Variants in LFNG observed in about 807,000 individuals in gnomAD.
LFNG encodes beta-1,3-N-acetylglucosaminyltransferase lunatic fringe.
A neutral mutation model predicts 32.7 loss-of-function variants in LFNG; 15 were observed. That is an observed-to-expected ratio of 0.46 (90% CI 0.31 to 0.71). The LOEUF is 0.71. LFNG is among the 30% of genes least tolerant of loss of function. The pLI is 0.06. For synonymous variants in LFNG, 274 were observed against 246.8 expected, an observed-to-expected ratio of 1.11 and a Z score of -1.03; for missense variants, 520 against 545.7, an observed-to-expected ratio of 0.95 and a Z score of 0.47.
chr7:2,524,666 C>G (rs764712103), intron 1 of LFNG, 29 bp from the exon 2 acceptor site: 1 of 1,567,404 alleles, frequency 6.4e-7, no homozygotes, highest in Admixed American at 1.9e-5. Flanking sequence ...TGAAGGGCTG[C>G]CTGCTGAAGG....
rs1317332511 is a variant in LFNG, at chr7:2,519,951, G to A, written c.90G>A (p.Pro30=). 4 of 1,004,264 alleles carry A rather than the reference G, an allele frequency of 4.0e-6. No individual in the cohort carries two copies. The highest frequency in any genetic ancestry group is 9.8e-5 in the East Asian group (1 of 10,196). 62.2% of individuals were successfully genotyped at this position (1,004,264 alleles called of 1,614,324 possible). Residue 30 remains proline (P), a synonymous_variant, in exon 1 of 8, where the codon CCG becomes CCA. Coordinates refer to ENST00000222725, the MANE Select transcript of LFNG (RefSeq NM_001040167.2). ...CLLVLTADPP[P]PPLPAERGRR... is the part of the protein sequence containing the mutation. ...TGGTGCTCACCGCCGACCCGCCGCC[G>A]CCTCCACTGCCCGCCGAGCGCGGCC...
chr7:2,512,827 C>T, intron 1 of LFNG: 1 of 857,578 alleles, frequency 1.2e-6, no homozygotes, highest in Non-Finnish European at 1.9e-6. Context: ...TCAGGCTTCT[C>T]TTTATCTCCA....
chr7:2,525,238 C>G lies in LFNG; in HGVS notation c.501C>G (p.Asn167Lys). 1.2e-6 allele frequency: 2 copies of G among 1,612,888 alleles called. No individual in the cohort carries two copies. The highest frequency in any genetic ancestry group is 1.1e-5 in the South Asian group (1 of 91,088). ...ARHTGNVVIT[N>K]CSAAHSRQAL... ...CCACAGGCAACGTGGTCATCACAAA[C>G]TGCTCGGCCGCCCACAGCCGCCAGG... Residue 167 changes from asparagine (N) to lysine (K), a missense_variant, in exon 3 of 8, where the codon AAC becomes AAG. By Grantham distance (94) the Asn-to-Lys change is moderately conservative. Transcript: ENST00000222725.
In LFNG at chr7:2,527,500, C is replaced by T. The variant is rs1419876508; in HGVS notation, c.*288C>T. 8.8e-6 allele frequency: 12 copies of T among 1,366,464 alleles called. No homozygotes were observed. Among genetic ancestry groups the T allele is most frequent in the Middle Eastern group, 2.8e-4 (1 of 3,564 alleles). The allele number at this position is 1,366,464 out of a possible 1,614,324, so 84.6% of individuals were successfully genotyped here. On this transcript the variant is annotated 3_prime_UTR_variant, in exon 8 of 8. Transcript: ENST00000222725. This position sits in a 1 kb window ranked among gnomAD's most constrained non-coding sequence, Gnocchi z 4.4. ...AGGATTTGTGTGTCGGAGGCCACTC[C>T]GAGGGCAATTCTGTTAGGATTTTTG...
In LFNG at chr7:2,519,970, C is replaced by G. The variant is rs1204785874; in HGVS notation, c.109C>G (p.Arg37Gly). Residue 37 changes from arginine to glycine, a missense_variant, in exon 1 of 8, where the codon CGC becomes GGC. Arg to Gly is a moderately radical substitution (Grantham distance 125). This residue lies in a region of LFNG where 360 missense variants were observed against 354.7 expected (regional missense o/e 1.01). Transcript: ENST00000222725. The part of the protein sequence containing the change: ...DPPPPPLPAE[R>G]GRRALRSLAG... ...GCCGCCGCCTCCACTGCCCGCCGAGCGCGGCCGGCGCGCGCTGCGCAGCCT... is the reference window on the plus strand; with the variant it reads ...GCCGCCGCCTCCACTGCCCGCCGAGGGCGGCCGGCGCGCGCTGCGCAGCCT... 12 of 983,488 alleles carry G rather than the reference C, an allele frequency of 1.2e-5. No homozygotes were observed. The highest frequency in any genetic ancestry group is 1.4e-5 in the Non-Finnish European group (12 of 830,424). 60.9% of individuals were successfully genotyped at this position (983,488 alleles called of 1,614,324 possible). A position where few individuals can be genotyped will look rare whatever the true frequency, so the allele number is the denominator to read the frequency against.
intron 2 of LFNG, 107 bp downstream of exon 2, chr7:2,524,850 G>T (rs1299585560): frequency 1.9e-6 from 2 of 1,047,826 alleles, no homozygotes; most frequent in African/African-American, 3.2e-5. Context: ...CCAAGGGCAG[G>T]ACAGGGAGGG....
chr7:2,526,877 C>A lies in LFNG; in HGVS notation c.1029C>A (p.Ala343=). Residue 343 remains alanine, a synonymous_variant, in exon 7 of 8, where the codon GCC becomes GCA. Transcript: ENST00000222725. The surrounding 1 kb of genome is among the most constrained non-coding windows in gnomAD (Gnocchi z 6.9). ...SYGMFENKRN[A]VHVKGPFSVE... ...GTATGTTTGAAAACAAGCGGAACGC[C>A]GTCCACGTGAAGGGGCCCTTCTCGG... 1 of 1,612,192 alleles carries A rather than the reference C, an allele frequency of 6.2e-7. No homozygotes were observed.
Position 2,525,304 on chromosome 7 carries a change from C to T in LFNG, c.567C>T (p.Ile189=), listed in dbSNP as rs572875855. Residue 189 remains isoleucine (I), a synonymous_variant, in exon 3 of 8, where the codon ATC becomes ATT. Coordinates refer to ENST00000222725, the MANE Select transcript of LFNG (RefSeq NM_001040167.2). ...TGGCCGTGGAGTATGACCGCTTCATCGAGTCCGGCAGGAAGTGAGTGTGGC... is the reference window on the plus strand; with the variant it reads ...TGGCCGTGGAGTATGACCGCTTCATTGAGTCCGGCAGGAAGTGAGTGTGGC... ...CKMAVEYDRF[I]ESGRKWFCHV... The T allele has an allele frequency of 5.9e-5, 95 of 1,612,984 alleles. 1 individual carries two copies. The highest frequency in any genetic ancestry group is 3.3e-4 in the Middle Eastern group (2 of 6,062).
upstream of LFNG, chr7:2,513,218 T>C (rs761601622): frequency 6.2e-7 from 1 of 1,612,232 alleles, no homozygotes; most frequent in Non-Finnish European, 8.5e-7. Context: ...GCACATGAAA[T>C]GGATGGAAGG....
chr7:2,522,643 G>C (rs1383253892), intron 1 of LFNG, among the ~76,000 whole-genome samples: 1 of 149,374 alleles, frequency 6.7e-6, no homozygotes, highest in Non-Finnish European at 1.5e-5. Flanking sequence ...TGGAAAGTTA[G>C]GTGGCACTGG....
At chr7:2,517,453 C>T (rs1779655917), upstream of LFNG, among the ~76,000 whole-genome samples, 1 of 152,236 alleles carries the variant, frequency 6.6e-6, no homozygotes, top group African/African-American at 2.4e-5. Context: ...CCATCCACCT[C>T]TGTATGGTCA....
chr7:2,517,918 C>T, upstream of LFNG: 1 of 1,155,934 alleles, frequency 8.7e-7, no homozygotes, highest in Non-Finnish European at 1.1e-6. Flanking sequence ...AGTTGTCCAG[C>T]TGCTGCGTGG....
upstream of LFNG, chr7:2,513,091 G>C (rs1779530273): frequency 6.5e-7 from 1 of 1,531,590 alleles, no homozygotes; most frequent in Non-Finnish European, 9.0e-7. Flanking sequence ...TCTGGGCCCT[G>C]GGCACCTTTG....
downstream of LFNG, chr7:2,528,760 A>T: frequency 1.6e-6 from 1 of 640,324 alleles, no homozygotes; most frequent in Non-Finnish European, 2.9e-6. Context: ...GCCACTGGGG[A>T]GCCCAGCCCC....
upstream of LFNG, among the ~76,000 whole-genome samples, chr7:2,515,798 G>T (rs931294075): frequency 6.6e-6 from 1 of 152,244 alleles, no homozygotes; most frequent in Non-Finnish European, 1.5e-5. Context: ...TAGCAGGCAG[G>T]CAGGGTTGGG....
upstream of LFNG, among the ~76,000 whole-genome samples, chr7:2,519,669 C>G (rs1300802081): frequency 1.3e-5 from 2 of 149,136 alleles, no homozygotes; most frequent in Non-Finnish European, 3.0e-5. Context: ...GGGCGTGGAG[C>G]GGCGACCGGC....
In LFNG at chr7:2,527,204, A is replaced by G. The variant is rs1467189110; in HGVS notation, c.1132A>G (p.Ile378Val). The G allele has an allele frequency of 6.2e-7, 1 of 1,612,742 alleles. No homozygotes were observed. Among genetic ancestry groups the G allele is most frequent in the South Asian group, 1.1e-5 (1 of 91,082 alleles). Reference sequence around the variant, plus strand: ...CACACCCTGGTGTCCCCGCACTGCCATCTTCTAGTGGCCATGGCTGAGACC... The same window carrying G: ...CACACCCTGGTGTCCCCGCACTGCCGTCTTCTAGTGGCCATGGCTGAGACC... Reference protein sequence around the residue: ...PDTPWCPRTAIF With the variant: ...PDTPWCPRTAVF Residue 378 changes from isoleucine to valine, a missense_variant, in exon 8 of 8, where the codon ATC (isoleucine) becomes GTC (valine). This residue lies in a region of LFNG where 150 missense variants were observed against 159.9 expected (regional missense o/e 0.94). Coordinates refer to ENST00000222725, the MANE Select transcript of LFNG (RefSeq NM_001040167.2). This position sits in a 1 kb window ranked among gnomAD's most constrained non-coding sequence, Gnocchi z 4.4.
At chr7:2,522,487 C>A (rs1452444011) in intron 1 of LFNG, among the ~76,000 whole-genome samples, 1 of 152,214 alleles carries the variant, frequency 6.6e-6, no homozygotes, top group Non-Finnish European at 1.5e-5. Context: ...ACCACAGCGG[C>A]CACAATTGCT....
chr7:2,522,032 G>A (rs935387925), intron 1 of LFNG, among the ~76,000 whole-genome samples: 17 of 152,194 alleles, frequency 1.1e-4, no homozygotes, highest in African/African-American at 3.9e-4. Context: ...TGGGTGATGG[G>A]CAGGGGTCCT....
Sources: gnomAD v4.1 joint callset for allele counts (sites outside exome capture counted in the v4.1 genomes callset) on GRCh38, gnomAD v4.1.1 for gene constraint, gnomAD v4.1.1 regional missense constraint, Gnocchi (gnomAD v3.1) non-coding constraint, MANE v1.5 for transcripts, NCBI Gene and HGNC (gene_info 2026-07-23, HGNC 2026-07-21) for gene names.